VPS37A: variants seen among roughly 807,000 people sequenced by gnomAD.
VPS37A encodes the protein vacuolar protein sorting-associated protein 37A.
In VPS37A, 30 loss-of-function variants were observed where a neutral mutation model predicts 49.8. That is an observed-to-expected ratio of 0.60 (90% confidence interval 0.45 to 0.82). The LOEUF (loss-of-function observed/expected upper bound fraction) is 0.82, where lower values mean the gene tolerates loss of function less well. Among genes scored for constraint, VPS37A ranks in the 40% least tolerant of loss-of-function variants. VPS37A has a pLI of 0.00. For missense variants in VPS37A, 593 were observed against 464.4 expected, an observed-to-expected ratio of 1.28 and a Z score of -2.55; for synonymous variants, 195 against 160.6, an observed-to-expected ratio of 1.21 and a Z score of -1.62.
intron 4 of VPS37A, among the ~76,000 whole-genome samples, chr8:17,273,583 G>A (rs879556949): frequency 2.6e-5 from 4 of 152,022 alleles, no homozygotes; most frequent in Non-Finnish European, 5.9e-5. Flanking sequence ...AGCCAGGATG[G>A]TCTCGATCCC....
At chr8:17,298,021 CATAG>C (rs1361069885) in exon 12 of VPS37A, 3 of 151,996 alleles carry the variant, frequency 2.0e-5, no homozygotes, top group Admixed American at 6.6e-5. Context: ...TGCTGTTTGG[CATAG>C]ATACTTTGTC....
At chr8:17,311,485 G>A in the VPS37A span, 1 of 1,613,826 alleles carries the variant, frequency 6.2e-7, no homozygotes, top group East Asian at 2.2e-5. Context: ...CACCGCCTGT[G>A]GGAATCGCCC....
chr8:17,315,214 C>T, the VPS37A span, among the ~76,000 whole-genome samples: 2 of 152,074 alleles, frequency 1.3e-5, no homozygotes, highest in Non-Finnish European at 2.9e-5. Context: ...ATGCACAGTG[C>T]TAAGGGAAAG....
the VPS37A span, among the ~76,000 whole-genome samples, chr8:17,328,287 C>T: frequency 6.6e-6 from 1 of 152,302 alleles, no homozygotes; most frequent in African/African-American, 2.4e-5. Flanking sequence ...TAACTCCATA[C>T]ACCTTTCCAC....
In VPS37A at chr8:17,247,338, C is replaced by G; in HGVS notation, c.94C>G (p.Leu32Val). The change falls in exon 1 of 12, where the codon CTG becomes GTG. Residue 32 changes from leucine to valine, a missense_variant. By Grantham distance (32) the Leu-to-Val change is conservative. Coordinates refer to ENST00000324849, the MANE Select transcript of VPS37A (RefSeq NM_152415.3). The stretch of plus-strand genomic sequence containing the variant: ...CAGCCTCCAGCAGCAGAAGCAGCGC[C>G]TGATCGAGTCCCTCCGGAACTCACA... ...LTSLQQQKQR[L>V]IESLRNSHSS... 1 of 1,523,800 alleles carries G rather than the reference C, an allele frequency of 6.6e-7. No homozygotes were observed. The highest frequency in any genetic ancestry group is 1.2e-5 in the South Asian group (1 of 83,898). The allele number at this position is 1,523,800 out of a possible 1,614,324, so 94.4% of individuals were successfully genotyped here. A position where few individuals can be genotyped will look rare whatever the true frequency, so the allele number is the denominator to read the frequency against.
intron 1 of VPS37A, among the ~76,000 whole-genome samples, chr8:17,261,165 T>G (rs1191080086): frequency 6.6e-6 from 1 of 152,194 alleles, no homozygotes; most frequent in Non-Finnish European, 1.5e-5. Flanking sequence ...TTCTTTTCAG[T>G]CTTTTTTCTT....
rs771361209 is a variant in VPS37A at position 17,280,360 on chromosome 8, C to T, written c.901-15C>T. 1.9e-6 allele frequency: 3 copies of T among 1,603,040 alleles called. No individual in the cohort carries two copies. The highest frequency in any genetic ancestry group is 1.7e-4 in the Middle Eastern group (1 of 5,912). ...TAAAAATAGAATAAAACAACCTTTT[C>T]ATTTTCTCTTTTAGTATGAATTACT... On this transcript the variant is annotated splice_polypyrimidine_tract_variant and intron_variant, in intron 8 of 11. Coordinates refer to ENST00000324849, the MANE Select transcript of VPS37A (RefSeq NM_152415.3).
intron 1 of VPS37A, among the ~76,000 whole-genome samples, chr8:17,256,290 ATTTTTTT>A (rs529736602): frequency 3.5e-4 from 21 of 60,402 alleles, no homozygotes; most frequent in African/African-American, 9.5e-4. Flanking sequence ...GGGTAAAATG[ATTTTTTT>A]TTTTTTTTTT....
chr8:17,324,790 T>A, the VPS37A span, among the ~76,000 whole-genome samples: 712 of 152,230 alleles, frequency 4.7e-3, 3 homozygotes, highest in African/African-American at 0.017. Context: ...GTGCCAAATT[T>A]TGAGAAAGAA....
At chr8:17,326,332 TTTAC>T in the VPS37A span, 1 of 152,246 alleles carries the variant, frequency 6.6e-6, no homozygotes, top group East Asian at 1.9e-4. Context: ...TTCAATGAGG[TTTAC>T]TTGAGTAAAT....
the VPS37A span, among the ~76,000 whole-genome samples, chr8:17,313,087 A>G: frequency 1.3e-5 from 2 of 152,374 alleles, no homozygotes; most frequent in Admixed American, 6.5e-5. Context: ...CCATTTGATC[A>G]CAGTGCTGAC....
At chr8:17,306,417 T>G (rs1817458902), downstream of VPS37A, among the ~76,000 whole-genome samples, 1 of 152,050 alleles carries the variant, frequency 6.6e-6, no homozygotes, top group Admixed American at 6.6e-5. Flanking sequence ...GTTTCCCAAG[T>G]TGCCAAGAAT....
chr8:17,300,129 G>A, downstream of VPS37A: 5 of 1,614,096 alleles, frequency 3.1e-6, no homozygotes, highest in South Asian at 1.1e-5. Flanking sequence ...CTATGCTGTT[G>A]TCTGAGGTAG....
At chr8:17,260,323 G>A (rs1184679981) in intron 1 of VPS37A, among the ~76,000 whole-genome samples, 1 of 152,080 alleles carries the variant, frequency 6.6e-6, no homozygotes, top group Non-Finnish European at 1.5e-5. Context: ...GAAAAGAACA[G>A]AAACAAAAAT....
chr8:17,310,910 T>C, the VPS37A span, among the ~76,000 whole-genome samples: 2 of 152,274 alleles, frequency 1.3e-5, no homozygotes, highest in East Asian at 1.9e-4. Context: ...CCCAGGCAAC[T>C]ATATACAATA....
At chr8:17,258,809 G>A (rs925008120) in intron 1 of VPS37A, among the ~76,000 whole-genome samples, 12 of 151,992 alleles carry the variant, frequency 7.9e-5, no homozygotes, top group African/African-American at 2.7e-4. Flanking sequence ...GCTTATTGAA[G>A]TTTTCTATTT....
intron 4 of VPS37A, among the ~76,000 whole-genome samples, chr8:17,271,402 G>T (rs1165002821): frequency 6.6e-6 from 1 of 152,104 alleles, no homozygotes; most frequent in Non-Finnish European, 1.5e-5. Flanking sequence ...TCAGGAGATC[G>T]AGACCATCCT....
rs1563282393 is a variant in VPS37A, at chr8:17,284,454, G to A, written c.970-19G>A. On this transcript the variant is annotated intron_variant, in intron 9 of 11. Coordinates refer to ENST00000324849, the MANE Select transcript of VPS37A (RefSeq NM_152415.3). ...TGTGAGTATCATAAATTAAAGTAGT[G>A]CCTGATTTTCTTTTTCAGAGCTGTA... The A allele has an allele frequency of 6.4e-7, 1 of 1,553,462 alleles. No individual in the cohort carries two copies. Among genetic ancestry groups the A allele is most frequent in the East Asian group, 2.4e-5 (1 of 41,324 alleles).
chr8:17,305,830 T>C (rs1240895655), downstream of VPS37A: 35 of 1,613,620 alleles, frequency 2.2e-5, no homozygotes, highest in Non-Finnish European at 3.0e-5. Flanking sequence ...TGATGTTGAA[T>C]GTGAATCAAA....
Sources: gnomAD v4.1 joint callset for allele counts (sites outside exome capture counted in the v4.1 genomes callset) on GRCh38, gnomAD v4.1.1 for gene constraint, MANE v1.5 for transcripts, NCBI Gene and HGNC (gene_info 2026-07-23, HGNC 2026-07-21) for gene names.